The following ZNF385D variants were observed in gnomAD, a reference collection of about 807,000 sequenced individuals.
ZNF385D encodes the protein zinc finger protein 385D.
A neutral mutation model predicts 35.8 loss-of-function variants in ZNF385D; 15 were observed. The ratio of observed to expected loss-of-function variants is 0.42; its 90% CI spans 0.28 to 0.64. ZNF385D has a LOEUF of 0.64. ZNF385D is among the 30% of genes least tolerant of loss of function. The probability of loss-of-function intolerance (pLI) is 0.23; values close to 1 mark genes in which losing one functional copy is unlikely to be tolerated. For synonymous variants in ZNF385D, 212 were observed against 186.8 expected (o/e 1.13, Z -1.10); for missense variants, 474 against 494.6 (o/e 0.96, Z 0.39).
intron 3 of ZNF385D, among the ~76,000 whole-genome samples, chr3:21,991,062 C>G (rs1242121828): frequency 6.6e-6 from 1 of 152,092 alleles, no homozygotes; most frequent in Non-Finnish European, 1.5e-5. Context: ...ATGTAAAATT[C>G]CTTGTACAAA....
intron 2 of ZNF385D, among the ~76,000 whole-genome samples, chr3:22,324,424 T>C (rs1363822071): frequency 2.0e-5 from 3 of 152,168 alleles, no homozygotes; most frequent in Non-Finnish European, 4.4e-5. Context: ...ATCACTCTTC[T>C]ATATACATAA....
At chr3:22,329,952 T>C (rs1694858749) in intron 2 of ZNF385D, among the ~76,000 whole-genome samples, 1 of 152,188 alleles carries the variant, frequency 6.6e-6, no homozygotes. Flanking sequence ...CACTATTCAC[T>C]CATGATTAGT....
At chr3:21,898,173 A>G (rs1699228907) in intron 3 of ZNF385D, among the ~76,000 whole-genome samples, 1 of 152,196 alleles carries the variant, frequency 6.6e-6, no homozygotes, top group African/African-American at 2.4e-5. Context: ...AACAAAAAAG[A>G]AACAATGCAC....
chr3:22,044,747 G>C (rs1034324437), intron 3 of ZNF385D, among the ~76,000 whole-genome samples: 10 of 150,364 alleles, frequency 6.7e-5, no homozygotes, highest in Non-Finnish European at 1.3e-4. Context: ...AGGCAGGCTA[G>C]TGGTGGGAGT....
At chr3:21,600,586 A>G (rs1405402671) in intron 2 of ZNF385D, among the ~76,000 whole-genome samples, 5 of 152,202 alleles carry the variant, frequency 3.3e-5, no homozygotes, top group African/African-American at 1.2e-4. Flanking sequence ...AAGTTGGCCT[A>G]TTCATGATTT....
chr3:21,660,185 ATAT>A (rs553342767), intron 2 of ZNF385D, among the ~76,000 whole-genome samples: 4 of 152,174 alleles, frequency 2.6e-5, no homozygotes, highest in South Asian at 2.1e-4. Context: ...TGATAAAATC[ATAT>A]TATACAGAGG....
At chr3:22,285,201 G>C (rs942130251) in intron 2 of ZNF385D, among the ~76,000 whole-genome samples, 3 of 152,022 alleles carry the variant, frequency 2.0e-5, no homozygotes, top group Non-Finnish European at 2.9e-5. Context: ...CTTCAAACAG[G>C]TTACTCTGTA....
chr3:21,874,440 T>C (rs1433852955), intron 3 of ZNF385D, among the ~76,000 whole-genome samples: 2 of 152,108 alleles, frequency 1.3e-5, no homozygotes, highest in East Asian at 3.9e-4. Flanking sequence ...AAATATTTTC[T>C]CCCACTCTGT....
At chr3:21,957,904 T>G (rs1702374176) in intron 3 of ZNF385D, among the ~76,000 whole-genome samples, 1 of 152,098 alleles carries the variant, frequency 6.6e-6, no homozygotes, top group South Asian at 2.1e-4. Context: ...ATGTACTAGT[T>G]TCATCAATGT....
chr3:22,059,489 C>T lies in ZNF385D; in HGVS notation c.325+109328G>A, dbSNP rs538715463. The stretch of plus-strand genomic sequence containing the variant: ...AAACACTGTCCCAAAATAAGATAAG[C>T]GATGAGTGACAGACGTATCTTTCTT... On this transcript the variant is annotated intron_variant, in intron 3 of 5. Coordinates refer to the ZNF385D transcript ENST00000494108. Among the ~76,000 whole-genome samples, 35 of 152,222 alleles carry T rather than the reference C, an allele frequency of 2.3e-4. No homozygotes were observed. The South Asian group carries it at 4.8e-3, about 21-fold the overall frequency.
intron 2 of ZNF385D, among the ~76,000 whole-genome samples, chr3:22,369,212 A>T (rs931101309): frequency 1.3e-5 from 2 of 152,174 alleles, no homozygotes; most frequent in Non-Finnish European, 2.9e-5. Flanking sequence ...ATGGAGCTTA[A>T]ATTACCTTTC....
intron 2 of ZNF385D, among the ~76,000 whole-genome samples, chr3:21,605,008 G>T: frequency 6.6e-6 from 1 of 152,218 alleles, no homozygotes; most frequent in East Asian, 1.9e-4. Flanking sequence ...TGACACTAGA[G>T]AGAGGCATGA....
chr3:21,697,411 G>T (rs1036444005), intron 1 of ZNF385D, among the ~76,000 whole-genome samples: 3 of 152,122 alleles, frequency 2.0e-5, no homozygotes, highest in African/African-American at 7.2e-5. Context: ...GATTTGTTTT[G>T]AGTGTCCTAT....
rs528933448 is a variant in ZNF385D, at chr3:22,012,158, G to T, written c.325+156659C>A. On this transcript the variant is annotated intron_variant, in intron 3 of 5. Coordinates refer to the ZNF385D transcript ENST00000494108. Reference sequence around the variant, plus strand: ...ATTAGAGTTTTCACTTTTTTCCTGGGGCAAAGAAGTCCATTACTTCAACAC... The same window carrying T: ...ATTAGAGTTTTCACTTTTTTCCTGGTGCAAAGAAGTCCATTACTTCAACAC... Among the ~76,000 whole-genome samples, 197 of 152,094 alleles carry T rather than the reference G, an allele frequency of 1.3e-3. 1 individual carries two copies. Among genetic ancestry groups the T allele is most frequent in the African/African-American group, 3.2e-3 (131 of 41,510 alleles).
At chr3:22,179,610 C>G (rs1268916740) in intron 2 of ZNF385D, among the ~76,000 whole-genome samples, 2 of 152,176 alleles carry the variant, frequency 1.3e-5, no homozygotes, top group Non-Finnish European at 2.9e-5. Flanking sequence ...CTGGCCAGAA[C>G]TTCGAATACT....
chr3:21,679,795 C>T (rs538987627), intron 1 of ZNF385D, among the ~76,000 whole-genome samples: 2 of 152,084 alleles, frequency 1.3e-5, no homozygotes, highest in East Asian at 1.9e-4. Context: ...TGATTGACCT[C>T]GATAGAACTG....
chr3:22,246,227 A>G (rs958687182), intron 2 of ZNF385D, among the ~76,000 whole-genome samples: 2 of 152,148 alleles, frequency 1.3e-5, no homozygotes. Flanking sequence ...AATATCTCTT[A>G]AGTAGATCTA....
intron 2 of ZNF385D, among the ~76,000 whole-genome samples, chr3:21,655,727 G>T (rs890897992): frequency 7.9e-5 from 12 of 151,988 alleles, no homozygotes; most frequent in East Asian, 1.9e-4. Context: ...CAGACAAGAG[G>T]TCATCTAGCT....
At chr3:21,918,110 T>C (rs138014504) in intron 3 of ZNF385D, among the ~76,000 whole-genome samples, 9 of 152,314 alleles carry the variant, frequency 5.9e-5, no homozygotes, top group Non-Finnish European at 1.0e-4. Context: ...TTTAATAAGC[T>C]GAGAATACAC....
Sources: gnomAD v4.1 joint callset for allele counts (sites outside exome capture counted in the v4.1 genomes callset) on GRCh38, gnomAD v4.1.1 for gene constraint, MANE v1.5 for transcripts, NCBI Gene and HGNC (gene_info 2026-07-23, HGNC 2026-07-21) for gene names.